ANO4: variants seen among roughly 807,000 people sequenced by gnomAD.
The protein encoded by ANO4 is anoctamin 4.
A neutral mutation model predicts 141.9 loss-of-function variants in ANO4; 69 were observed. The observed-to-expected ratio is 0.49, with a 90% CI of 0.40 to 0.59. The LOEUF (loss-of-function observed/expected upper bound fraction) is 0.59, where lower values mean the gene tolerates loss of function less well. Among genes scored for constraint, ANO4 ranks in the 20% least tolerant of loss-of-function variants. ANO4 has a pLI of 0.00. For synonymous variants in ANO4, 350 were observed against 394.3 expected (o/e 0.89, Z 1.33); for missense variants, 894 against 1,162.2 (o/e 0.77, Z 3.36).
chr12:100,771,097 A>G (rs902777289), intron 3 of ANO4, among the ~76,000 whole-genome samples: 1 of 152,198 alleles, frequency 6.6e-6, no homozygotes, highest in Non-Finnish European at 1.5e-5. Flanking sequence ...AATACTCTTC[A>G]TATCACTGTC....
At chr12:101,043,128 C>A (rs2047475434) in intron 12 of ANO4, among the ~76,000 whole-genome samples, 1 of 152,162 alleles carries the variant, frequency 6.6e-6, no homozygotes, top group Admixed American at 6.5e-5. Context: ...AATCTCTAGT[C>A]ATTTATGTTT....
intron 18 of ANO4, among the ~76,000 whole-genome samples, chr12:101,094,947 A>G (rs183879173): frequency 2.0e-5 from 3 of 152,336 alleles, no homozygotes; most frequent in African/African-American, 7.2e-5. Flanking sequence ...TGATCATGCC[A>G]CTGCACTCCA....
intron 22 of ANO4, among the ~76,000 whole-genome samples, chr12:101,103,739 A>G (rs533473034): frequency 6.6e-6 from 1 of 151,938 alleles, no homozygotes; most frequent in Admixed American, 6.6e-5. Context: ...TATCATTTTT[A>G]TGATAGCCCT....
At chr12:101,086,881 A>G (rs1279847859) in intron 17 of ANO4, 57 bp downstream of exon 17, 3 of 1,577,714 alleles carry the variant, frequency 1.9e-6, no homozygotes, top group Admixed American at 3.4e-5. Flanking sequence ...TGCAAGTGAC[A>G]GTTTTCTTCT....
chr12:101,021,170 G>T (rs1229081398), intron 9 of ANO4, among the ~76,000 whole-genome samples: 3 of 152,146 alleles, frequency 2.0e-5, no homozygotes, highest in Non-Finnish European at 4.4e-5. Context: ...CTAGAAATCT[G>T]CCCTCTGGAG....
chr12:101,028,136 T>C (rs1489190331), intron 9 of ANO4, among the ~76,000 whole-genome samples: 44 of 151,998 alleles, frequency 2.9e-4, no homozygotes, highest in Admixed American at 2.9e-3. Flanking sequence ...AACAACAGCA[T>C]CAATAACAAA....
chr12:101,050,121 G>A (rs1003502508), intron 14 of ANO4, among the ~76,000 whole-genome samples: 2 of 152,144 alleles, frequency 1.3e-5, no homozygotes, highest in African/African-American at 4.8e-5. Context: ...TCAGAACCTA[G>A]AAATAGATAG....
At chr12:101,008,565 T>C (rs1476152241) in intron 8 of ANO4, among the ~76,000 whole-genome samples, 3 of 152,188 alleles carry the variant, frequency 2.0e-5, no homozygotes, top group African/African-American at 7.2e-5. Flanking sequence ...ATAATGACTA[T>C]ACAAATGCTA....
chr12:101,053,962 G>A (rs562977351), intron 14 of ANO4, among the ~76,000 whole-genome samples: 1 of 152,322 alleles, frequency 6.6e-6, no homozygotes, highest in Admixed American at 6.5e-5. Context: ...AACAGTGCAG[G>A]GAGAGGTGAA....
At position 100,844,125 on chromosome 12, in the gene ANO4, G is replaced by A. The variant is rs568933100; in HGVS notation, c.-141+49098G>A. ...CCTTCATGGAGTGTACACTGTACAG[G>A]AGGGGATTAGATTTAAGCAAGAGAA... On this transcript the variant is annotated intron_variant, in intron 1 of 27. Transcript: ENST00000392977. Among the ~76,000 whole-genome samples the A allele has an allele frequency of 5.1e-4, 78 of 152,062 alleles. 1 individual carries two copies. Among genetic ancestry groups the A allele is most frequent in the Non-Finnish European group, 9.0e-4 (61 of 68,016 alleles).
At chr12:100,827,408 G>C (rs560828521) in intron 1 of ANO4, among the ~76,000 whole-genome samples, 2 of 151,268 alleles carry the variant, frequency 1.3e-5, no homozygotes, top group Non-Finnish European at 3.0e-5. Context: ...ATTTAAACTT[G>C]TTAAAAAGAA....
At chr12:100,998,188 G>A (rs540529755) in intron 8 of ANO4, among the ~76,000 whole-genome samples, 1 of 152,230 alleles carries the variant, frequency 6.6e-6, no homozygotes, top group Non-Finnish European at 1.5e-5. Flanking sequence ...CAGAAAAAAC[G>A]TGAAGAGGCG....
rs143561295 is a variant in ANO4 at position 100,937,719 on chromosome 12, C to G, written c.161-1596C>G. Among the ~76,000 whole-genome samples the G allele has an allele frequency of 5.9e-3, 897 of 152,268 alleles. 11 individuals are homozygous for G. Among genetic ancestry groups the G allele is most frequent in the African/African-American group, 0.021 (852 of 41,546 alleles). On this transcript the variant is annotated intron_variant, in intron 3 of 27. Coordinates refer to ENST00000392977, the MANE Select transcript of ANO4 (RefSeq NM_001286615.2). ...TTATACTTCTGGAGGTCAGAAGTCCCAAAATCAAGACTCTCCTCTCTGGAG... is the reference window on the plus strand; with the variant it reads ...TTATACTTCTGGAGGTCAGAAGTCCGAAAATCAAGACTCTCCTCTCTGGAG...
chr12:100,907,387 T>C (rs1593714343), intron 2 of ANO4, among the ~76,000 whole-genome samples: 1 of 152,280 alleles, frequency 6.6e-6, no homozygotes, highest in Admixed American at 6.5e-5. Flanking sequence ...TAACTCAAAT[T>C]CCGCTTCCTC....
chr12:100,868,554 A>C (rs920463615), intron 1 of ANO4, among the ~76,000 whole-genome samples: 2 of 151,788 alleles, frequency 1.3e-5, no homozygotes, highest in African/African-American at 4.8e-5. Flanking sequence ...GGTCTCCCTT[A>C]CTCTTGGGTT....
chr12:100,748,708 C>A (rs1438197993), intron 3 of ANO4, among the ~76,000 whole-genome samples: 2 of 152,052 alleles, frequency 1.3e-5, no homozygotes, highest in Non-Finnish European at 2.9e-5. Context: ...ATGTTTGTAA[C>A]CATTTTCTAT....
chr12:100,751,189 T>C (rs558054952), intron 3 of ANO4, among the ~76,000 whole-genome samples: 1 of 152,242 alleles, frequency 6.6e-6, no homozygotes, highest in African/African-American at 2.4e-5. Flanking sequence ...CCGAGAGCCA[T>C]CAGCAGCTGG....
intron 1 of ANO4, among the ~76,000 whole-genome samples, chr12:100,818,289 T>C (rs1288709240): frequency 6.6e-6 from 1 of 151,924 alleles, no homozygotes; most frequent in Non-Finnish European, 1.5e-5. Flanking sequence ...ACCATTGTTC[T>C]AAAGATTAGA....
chr12:100,995,195 G>A (rs1013168185), intron 8 of ANO4, among the ~76,000 whole-genome samples: 1 of 152,160 alleles, frequency 6.6e-6, no homozygotes, highest in African/African-American at 2.4e-5. Flanking sequence ...CAGTGTTTCA[G>A]TTCTTCAAGG....
Sources: allele counts gnomAD v4.1 joint callset (sites outside exome capture counted in the v4.1 genomes callset), GRCh38; gene constraint gnomAD v4.1.1; transcripts MANE v1.5; gene names NCBI Gene and HGNC (gene_info 2026-07-23, HGNC 2026-07-21).